Variants in LIN7A observed in about 807,000 individuals in gnomAD.
LIN7A encodes protein lin-7 homolog A.
Under a neutral mutation model 29.8 loss-of-function variants are expected in LIN7A, and 25 were observed. The ratio of observed to expected loss-of-function variants is 0.84; its 90% confidence interval spans 0.61 to 1.17. The LOEUF (loss-of-function observed/expected upper bound fraction) is 1.17, where lower values mean the gene tolerates loss of function less well. Among genes scored for constraint, LIN7A ranks in the 50% most tolerant of loss-of-function variants. The pLI is 0.00. For missense variants in LIN7A, 239 were observed against 287.0 expected (o/e 0.83, Z 1.21); for synonymous variants, 118 against 107.5 (o/e 1.10, Z -0.60).
In LIN7A at chr12:80,899,173, G is replaced by A. The variant is rs560175479; in HGVS notation, c.83-9804C>T. Among the ~76,000 whole-genome samples, 4 of 152,182 alleles carry A rather than the reference G, an allele frequency of 2.6e-5. No individual in the cohort carries two copies. The South Asian group carries it at 8.3e-4, about 32-fold the overall frequency. The stretch of plus-strand genomic sequence containing the variant: ...CGTTTCCTCAATGCCCAGTTTGTTG[G>A]AGGTTTTTAGCATGATGTGATGTTT... On this transcript the variant is annotated intron_variant, in intron 1 of 5. Transcript: ENST00000552864.
chr12:80,910,959 A>G (rs1876717755), intron 1 of LIN7A, among the ~76,000 whole-genome samples: 2 of 152,326 alleles, frequency 1.3e-5, no homozygotes, highest in Non-Finnish European at 2.9e-5. Flanking sequence ...TTGAACTGAT[A>G]GTATTTCTTT....
chr12:80,832,269 C>T lies in LIN7A; in HGVS notation c.483+13461G>A, dbSNP rs550728285. On this transcript the variant is annotated intron_variant, in intron 4 of 5. Coordinates refer to ENST00000552864, the MANE Select transcript of LIN7A (RefSeq NM_004664.4). The stretch of plus-strand genomic sequence containing the variant: ...GTAAGCTCCCTTAGGGTATGATCTA[C>T]GTTTTCTTTAAACTGTTCCTTTCCC... Among the ~76,000 whole-genome samples the T allele has an allele frequency of 5.3e-5, 8 of 152,270 alleles. 1 individual carries two copies. Among genetic ancestry groups the T allele is most frequent in the Middle Eastern group, 3.4e-3 (1 of 294 alleles).
rs560078496 is a variant in LIN7A, at chr12:80,915,179, A to T, written c.82+22462T>A. Reference sequence around the variant, plus strand: ...AAAAAAAAAAAAACAAAAAAACAAAAAAAATTAACCCCATTAAAAACTGGG... The same window carrying T: ...AAAAAAAAAAAAACAAAAAAACAAATAAAATTAACCCCATTAAAAACTGGG... On this transcript the variant is annotated intron_variant, in intron 1 of 5. Coordinates refer to ENST00000552864, the MANE Select transcript of LIN7A (RefSeq NM_004664.4). 2.0e-5 allele frequency among the ~76,000 whole-genome samples: 3 copies of T among 152,026 alleles called. No homozygotes were observed. The East Asian group carries it at 5.8e-4, about 29-fold the overall frequency.
At chr12:80,809,267 G>A (rs1006714583) in intron 5 of LIN7A, among the ~76,000 whole-genome samples, 4 of 152,180 alleles carry the variant, frequency 2.6e-5, no homozygotes, top group Non-Finnish European at 5.9e-5. Context: ...CTCCCAGCCT[G>A]TAGCTTCTTC....
intron 1 of LIN7A, among the ~76,000 whole-genome samples, chr12:80,913,603 T>A (rs1876876928): frequency 6.6e-6 from 1 of 152,204 alleles, no homozygotes; most frequent in Admixed American, 6.5e-5. Flanking sequence ...AATCACCGAC[T>A]GCTCAAGTAC....
In LIN7A at chr12:80,937,375, G is replaced by T. The variant is rs1176853577; in HGVS notation, c.82+266C>A. On this transcript the variant is annotated intron_variant, in intron 1 of 5. Coordinates refer to ENST00000552864, the MANE Select transcript of LIN7A (RefSeq NM_004664.4). ...GAGGACCGGAGACGACCCGGCGAGG[G>T]GCTGGGAGTGGCAGCGGGGACCCCA... is the stretch of plus-strand genomic sequence containing the variant. 4 of 370,410 alleles carry T rather than the reference G, an allele frequency of 1.1e-5. No individual in the cohort carries two copies. The East Asian group carries it at 1.6e-4, about 15-fold the overall frequency. The allele number at this position is 370,410 out of a possible 1,614,324, so 22.9% of individuals were successfully genotyped here.
At chr12:80,928,049 A>G (rs1212333101) in intron 1 of LIN7A, among the ~76,000 whole-genome samples, 1 of 152,082 alleles carries the variant, frequency 6.6e-6, no homozygotes, top group Non-Finnish European at 1.5e-5. Context: ...ATCCTTTTTT[A>G]TGGCTGCATA....
intron 2 of LIN7A, among the ~76,000 whole-genome samples, chr12:80,851,646 C>A (rs1261593458): frequency 6.6e-6 from 1 of 152,032 alleles, no homozygotes; most frequent in African/African-American, 2.4e-5. Flanking sequence ...TGAGAGAGTT[C>A]TTAAAGGGAA....
intron 2 of LIN7A, among the ~76,000 whole-genome samples, chr12:80,878,360 T>C (rs1874829276): frequency 6.6e-6 from 1 of 152,238 alleles, no homozygotes; most frequent in African/African-American, 2.4e-5. Context: ...ATGGGTGATG[T>C]AGTCATTCTC....
chr12:80,842,154 A>T lies in LIN7A; in HGVS notation c.483+3576T>A, dbSNP rs773454819. On this transcript the variant is annotated intron_variant, in intron 4 of 5. Transcript: ENST00000552864. ...CTAGGAGGAAAAAATCAATTGTTCAATTGCTGTATTTTGTCTTTATTTTTA... is the reference window on the plus strand; with the variant it reads ...CTAGGAGGAAAAAATCAATTGTTCATTTGCTGTATTTTGTCTTTATTTTTA... The T allele has an allele frequency of 3.1e-6, 4 of 1,277,394 alleles. 1 individual carries two copies. In the South Asian group the frequency reaches 5.1e-5, roughly 16 times the overall value. 79.1% of individuals were successfully genotyped at this position (1,277,394 alleles called of 1,614,324 possible). A position where few individuals can be genotyped will look rare whatever the true frequency, so the allele number is the denominator to read the frequency against.
chr12:80,821,672 T>C (rs1171757096), intron 4 of LIN7A, among the ~76,000 whole-genome samples: 1 of 152,136 alleles, frequency 6.6e-6, no homozygotes, highest in Non-Finnish European at 1.5e-5. Context: ...CTGTGGGCTT[T>C]AGGGAGCCAG....
intron 5 of LIN7A, among the ~76,000 whole-genome samples, chr12:80,807,063 G>GTTTTTTTTTGGTTTTTT (rs374349839): frequency 1.9e-5 from 1 of 53,592 alleles, no homozygotes; most frequent in East Asian, 5.3e-4. Flanking sequence ...TGAAGATGGA[G>GTTTTTTTTTGGTTTTTT]TTTTTTTTTT....
chr12:80,805,208 G>T (rs7966739), intron 5 of LIN7A, among the ~76,000 whole-genome samples: 2 of 151,958 alleles, frequency 1.3e-5, no homozygotes, highest in Non-Finnish European at 2.9e-5. Context: ...ATTTCTGTCC[G>T]GTGTTCTGCT....
At position 80,792,787 on chromosome 12, in the gene LIN7A, C is replaced by T. The variant is rs1266728677; in HGVS notation, c.*4940G>A. 1 of 152,106 alleles carries T rather than the reference C, an allele frequency of 6.6e-6. No individual in the cohort carries two copies. The highest frequency in any genetic ancestry group is 1.9e-4 in the East Asian group (1 of 5,192). The allele number at this position is 152,106 out of a possible 1,614,324, so 9.4% of individuals were successfully genotyped here. On this transcript the variant is annotated 3_prime_UTR_variant, in exon 6 of 6. Coordinates refer to ENST00000552864, the MANE Select transcript of LIN7A (RefSeq NM_004664.4). ...CAGTTTTTGTAGCACCAAATAGACA[C>T]AGCGGCTAACAAGAAATAAATCTGA... is the stretch of plus-strand genomic sequence containing the variant.
Position 80,792,984 on chromosome 12 carries a change from C to A in LIN7A, c.*4743G>T, listed in dbSNP as rs953048125. The A allele has an allele frequency of 3.3e-5, 5 of 152,080 alleles. No individual in the cohort carries two copies. Among genetic ancestry groups the A allele is most frequent in the South Asian group, 4.1e-4 (2 of 4,820 alleles). The allele number at this position is 152,080 out of a possible 1,614,324, so 9.4% of individuals were successfully genotyped here. A position where few individuals can be genotyped will look rare whatever the true frequency, so the allele number is the denominator to read the frequency against. On this transcript the variant is annotated 3_prime_UTR_variant, in exon 6 of 6. Transcript: ENST00000552864. ...ACCATGAATAATACTTTGTTAATAT[C>A]TTTTGTATATTACTTTACAATTTCC...
chr12:80,807,076 T>TTTTTTG (rs1871047220), intron 5 of LIN7A, among the ~76,000 whole-genome samples: 2 of 126,042 alleles, frequency 1.6e-5, no homozygotes, highest in Non-Finnish European at 1.6e-5. Flanking sequence ...TTTTTTTTTT[T>TTTTTTG]TTTTTTTTTT....
In LIN7A at chr12:80,937,860, G is replaced by C. The variant is rs138879003; in HGVS notation, c.-138C>G. Reference sequence around the variant, plus strand: ...GAAAGCTTGGGTGGGTTGGTAGCCAGATGGAGACGCAACTGTTCCGCGGCG... The same window carrying C: ...GAAAGCTTGGGTGGGTTGGTAGCCACATGGAGACGCAACTGTTCCGCGGCG... On this transcript the variant is annotated 5_prime_UTR_variant, in exon 1 of 6. The change creates a new upstream start codon in the 5' untranslated region. Coordinates refer to ENST00000552864, the MANE Select transcript of LIN7A (RefSeq NM_004664.4). 8.5e-6 allele frequency: 5 copies of C among 587,994 alleles called. No individual in the cohort carries two copies. In the East Asian group the frequency reaches 1.4e-4, roughly 16 times the overall value. 36.4% of individuals were successfully genotyped at this position (587,994 alleles called of 1,614,324 possible).
intron 1 of LIN7A, among the ~76,000 whole-genome samples, chr12:80,907,098 T>TG (rs66479772): frequency 4.8e-4 from 71 of 147,676 alleles, no homozygotes; most frequent in Non-Finnish European, 8.4e-4. Flanking sequence ...TGTGTGTGTG[T>TG]TGAGGATTAA....
chr12:80,803,549 G>T (rs537402136), intron 5 of LIN7A, among the ~76,000 whole-genome samples: 5 of 152,276 alleles, frequency 3.3e-5, no homozygotes, highest in Admixed American at 2.6e-4. Flanking sequence ...AGACCCTGAG[G>T]TCAGGTAGTG....
Sources: allele counts gnomAD v4.1 joint callset (sites outside exome capture counted in the v4.1 genomes callset), GRCh38; gene constraint gnomAD v4.1.1; transcripts MANE v1.5; gene names NCBI Gene and HGNC (gene_info 2026-07-23, HGNC 2026-07-21).